KCNJ16: variants seen among roughly 807,000 people sequenced by gnomAD.
KCNJ16 encodes potassium inwardly rectifying channel subfamily J member 16, also known as inward rectifier potassium channel 16.
Under a neutral mutation model 18.5 loss-of-function variants are expected in KCNJ16, and 15 were observed. That is an observed-to-expected ratio of 0.81 (90% confidence interval 0.54 to 1.25). KCNJ16 has a LOEUF of 1.25. KCNJ16 is among the 50% of genes most tolerant of loss of function. KCNJ16 has a pLI of 0.00. For synonymous variants in KCNJ16, 174 were observed against 186.5 expected, an observed-to-expected ratio of 0.93 and a Z score of 0.55; for missense variants, 523 against 525.7, an observed-to-expected ratio of 0.99 and a Z score of 0.05.
intron 1 of KCNJ16, among the ~76,000 whole-genome samples, chr17:70,092,525 C>G (rs59303970): frequency 0.24 from 17,752 of 74,536 alleles, 2,127 homozygotes; most frequent in East Asian, 0.34. Flanking sequence ...TAGATAGATA[C>G]ATAGACAGAT....
chr17:70,081,296 C>T (rs2071543341), intron 1 of KCNJ16, among the ~76,000 whole-genome samples: 1 of 152,154 alleles, frequency 6.6e-6, no homozygotes, highest in Non-Finnish European at 1.5e-5. Context: ...GATTTACACA[C>T]ATTTAAATTT....
At position 70,117,487 on chromosome 17, in the gene KCNJ16, A is replaced by G. The variant is rs145872455; in HGVS notation, c.-190-13392A>G. On this transcript the variant is annotated intron_variant, in intron 2 of 3. Transcript: ENST00000392671. ...ATAATAATATAAAATTTCATACTGA[A>G]CTCCGTTATCAGTCCTGAGGAAGAC... 4.6e-3 allele frequency among the ~76,000 whole-genome samples: 703 copies of G among 152,072 alleles called. 10 individuals carry two copies. Among genetic ancestry groups the G allele is most frequent in the African/African-American group, 0.016 (678 of 41,456 alleles).
At chr17:70,108,637 C>T (rs920454998) in intron 2 of KCNJ16, among the ~76,000 whole-genome samples, 6 of 151,990 alleles carry the variant, frequency 3.9e-5, no homozygotes, top group Non-Finnish European at 7.4e-5. Context: ...AAAAGAGGTA[C>T]CAGGAATCAA....
intron 1 of KCNJ16, among the ~76,000 whole-genome samples, chr17:70,090,779 A>C (rs2072052513): frequency 1.3e-5 from 2 of 152,160 alleles, no homozygotes; most frequent in African/African-American, 4.8e-5. Context: ...CAATACCGCT[A>C]ACCCACTCAC....
intron 1 of KCNJ16, among the ~76,000 whole-genome samples, chr17:70,077,329 T>C (rs747034387): frequency 5.9e-5 from 9 of 152,194 alleles, no homozygotes; most frequent in South Asian, 2.1e-4. Flanking sequence ...GTGAGGAGTA[T>C]TGCGGATGAC....
chr17:70,088,155 T>C (rs2071921139), intron 1 of KCNJ16, among the ~76,000 whole-genome samples: 1 of 152,166 alleles, frequency 6.6e-6, no homozygotes, highest in African/African-American at 2.4e-5. Flanking sequence ...ACAGAGCTTT[T>C]AGGGCAGCGG....
intron 2 of KCNJ16, among the ~76,000 whole-genome samples, chr17:70,122,176 CTT>C (rs34898848): frequency 6.2e-5 from 9 of 144,586 alleles, no homozygotes; most frequent in Non-Finnish European, 9.2e-5. Flanking sequence ...ATATCGGATA[CTT>C]TTTTTTTTTT....
rs778099874 is a variant in KCNJ16, at chr17:70,133,265, C to T, written c.1178C>T (p.Ala393Val). Reference protein sequence around the residue: ...CENPEETTTSATHEYRETPYQ... With the variant: ...CENPEETTTSVTHEYRETPYQ... ...AACCCTGAGGAGACCACCACTTCCGCCACACATGAATATAGGGAAACACCT... is the reference window on the plus strand; with the variant it reads ...AACCCTGAGGAGACCACCACTTCCGTCACACATGAATATAGGGAAACACCT... The change falls in exon 4 of 4, where the codon GCC becomes GTC. Residue 393 changes from alanine (A) to valine (V), a missense_variant. Ala to Val is a moderately conservative substitution (Grantham distance 64, BLOSUM62 0). Coordinates refer to ENST00000392671, the MANE Select transcript of KCNJ16 (RefSeq NM_170741.4). The T allele has an allele frequency of 8.7e-6, 14 of 1,614,004 alleles. No homozygotes were observed. Among genetic ancestry groups the T allele is most frequent in the Non-Finnish European group, 1.1e-5 (13 of 1,179,996 alleles).
At position 70,075,354 on chromosome 17, in the gene KCNJ16, C is replaced by G. The variant is rs1387151378; in HGVS notation, c.-336C>G. The G allele has an allele frequency of 1.3e-5, 2 of 152,098 alleles. No individual in the cohort carries two copies. 9.4% of individuals were successfully genotyped at this position (152,098 alleles called of 1,614,324 possible). On this transcript the variant is annotated 5_prime_UTR_variant, in exon 1 of 4. Transcript: ENST00000392671. ...TCTACCATTGCCCAGCTGAAAGCAC[C>G]TAGCTCATAGATTCTCTGTGGGGAG...
At chr17:70,095,870 C>CTTTTTTTT (rs147216245) in intron 1 of KCNJ16, among the ~76,000 whole-genome samples, 1 of 95,390 alleles carries the variant, frequency 1.0e-5, no homozygotes, top group Non-Finnish European at 2.0e-5. Context: ...TTACTTAATC[C>CTTTTTTTT]TTTTTTTTTT....
intron 2 of KCNJ16, among the ~76,000 whole-genome samples, chr17:70,118,733 C>G (rs2073515211): frequency 6.6e-6 from 1 of 152,128 alleles, no homozygotes; most frequent in Admixed American, 6.5e-5. Flanking sequence ...AAACACCTCC[C>G]ACCAGGTCCC....
At chr17:70,114,636 A>G (rs1348801014) in intron 2 of KCNJ16, among the ~76,000 whole-genome samples, 1 of 152,130 alleles carries the variant, frequency 6.6e-6, no homozygotes, top group Non-Finnish European at 1.5e-5. Flanking sequence ...AATGACTTCT[A>G]TTCTTAGCAA....
rs556755367 is a variant in KCNJ16 at position 70,119,551 on chromosome 17, C to T, written c.-190-11328C>T. On this transcript the variant is annotated intron_variant, in intron 2 of 3. Coordinates refer to ENST00000392671, the MANE Select transcript of KCNJ16 (RefSeq NM_170741.4). The stretch of plus-strand genomic sequence containing the variant: ...CTCTTGCATTCCATGGACCTGCAGG[C>T]TTAACACCACATAGAAGTCACCGAG... Among the ~76,000 whole-genome samples the T allele has an allele frequency of 2.0e-5, 3 of 152,328 alleles. No individual in the cohort carries two copies. In the East Asian group the frequency reaches 5.8e-4, roughly 29 times the overall value.
chr17:70,103,907 T>C (rs746926577), intron 2 of KCNJ16, among the ~76,000 whole-genome samples: 8 of 151,562 alleles, frequency 5.3e-5, no homozygotes, highest in Non-Finnish European at 8.8e-5. Flanking sequence ...GTGCTATTTA[T>C]TGGGTAATGG....
chr17:70,133,870 A>G lies in KCNJ16; in HGVS notation c.*526A>G, dbSNP rs898909332. The stretch of plus-strand genomic sequence containing the variant: ...ACCAGTTCAAGTCACTAGGTTTGCC[A>G]CTTGGACCGTCTTGGTTTCAGCGAG... On this transcript the variant is annotated 3_prime_UTR_variant, in exon 4 of 4. Coordinates refer to ENST00000392671, the MANE Select transcript of KCNJ16 (RefSeq NM_170741.4). 1 of 167,870 alleles carries G rather than the reference A, an allele frequency of 6.0e-6. No homozygotes were observed. The highest frequency in any genetic ancestry group is 2.4e-5 in the African/African-American group (1 of 41,476). 10.4% of individuals were successfully genotyped at this position (167,870 alleles called of 1,614,324 possible).
At position 70,131,989 on chromosome 17, in the gene KCNJ16, T is replaced by G. The variant is rs1352485290; in HGVS notation, c.-93-6T>G. 22 of 1,557,822 alleles carry G rather than the reference T, an allele frequency of 1.4e-5. No homozygotes were observed. The highest frequency in any genetic ancestry group is 1.9e-5 in the Non-Finnish European group (22 of 1,155,416). On this transcript the variant is annotated splice_polypyrimidine_tract_variant and splice_region_variant and intron_variant, in intron 3 of 3. Coordinates refer to ENST00000392671, the MANE Select transcript of KCNJ16 (RefSeq NM_170741.4). ...AAAGTGTGTTTTTGTTGTTGTTGTT[T>G]TTTAGGTTCTAACTGAAAACCCAAA... is the stretch of plus-strand genomic sequence containing the variant.
chr17:70,089,267 T>A (rs2071976266), intron 1 of KCNJ16, among the ~76,000 whole-genome samples: 1 of 152,212 alleles, frequency 6.6e-6, no homozygotes, highest in Non-Finnish European at 1.5e-5. Context: ...TTTATTTCAC[T>A]CTTTTTCTGA....
At chr17:70,107,339 A>G (rs529528922) in intron 2 of KCNJ16, among the ~76,000 whole-genome samples, 2 of 152,350 alleles carry the variant, frequency 1.3e-5, no homozygotes, top group East Asian at 3.9e-4. Flanking sequence ...AAGCCATATC[A>G]TCAAAACCTG....
chr17:70,134,990 C>T lies in KCNJ16; in HGVS notation c.*1646C>T, dbSNP rs536276928. 1.9e-5 allele frequency: 3 copies of T among 155,252 alleles called. No individual in the cohort carries two copies. Among genetic ancestry groups the T allele is most frequent in the South Asian group, 2.2e-4 (1 of 4,604 alleles). The allele number at this position is 155,252 out of a possible 1,614,324, so 9.6% of individuals were successfully genotyped here. Reference sequence around the variant, plus strand: ...CTTCCCTCCTCCCCCTCATCCTTCCCTTTCTCCTTCTTTTCCCTTTTTTTT... The same window carrying T: ...CTTCCCTCCTCCCCCTCATCCTTCCTTTTCTCCTTCTTTTCCCTTTTTTTT... On this transcript the variant is annotated 3_prime_UTR_variant, in exon 4 of 4. Coordinates refer to ENST00000392671, the MANE Select transcript of KCNJ16 (RefSeq NM_170741.4).
Sources: allele counts gnomAD v4.1 joint callset (sites outside exome capture counted in the v4.1 genomes callset), GRCh38; gene constraint gnomAD v4.1.1; transcripts MANE v1.5; gene names NCBI Gene and HGNC (gene_info 2026-07-23, HGNC 2026-07-21).